Variants in TMEM132D observed in about 807,000 individuals in gnomAD.
TMEM132D encodes mature OL transmembrane protein.
A neutral mutation model predicts 62.3 loss-of-function variants in TMEM132D; 21 were observed. The observed-to-expected ratio is 0.34, with a 90% confidence interval of 0.24 to 0.49. TMEM132D has a LOEUF of 0.49. TMEM132D is among the 20% of genes least tolerant of loss of function. The probability of loss-of-function intolerance (pLI) is 0.99; values close to 1 mark genes in which losing one functional copy is unlikely to be tolerated. For synonymous variants in TMEM132D, 621 were observed against 575.6 expected, an observed-to-expected ratio of 1.08 and a Z score of -1.13; for missense variants, 1,346 against 1,402.8, an observed-to-expected ratio of 0.96 and a Z score of 0.65.
intron 4 of TMEM132D, among the ~76,000 whole-genome samples, chr12:129,261,462 C>T (rs565111146): frequency 1.4e-4 from 21 of 152,298 alleles, no homozygotes; most frequent in South Asian, 1.2e-3. Flanking sequence ...ATTTGCCCTC[C>T]GCCATGATTG....
chr12:129,611,593 A>C (rs951847979), intron 2 of TMEM132D, among the ~76,000 whole-genome samples: 4 of 152,176 alleles, frequency 2.6e-5, no homozygotes, highest in African/African-American at 9.7e-5. Context: ...GCTCTCCTCC[A>C]TCCAGTGACT....
At chr12:129,361,789 A>G (rs1039139816) in intron 3 of TMEM132D, among the ~76,000 whole-genome samples, 2 of 152,212 alleles carry the variant, frequency 1.3e-5, no homozygotes, top group Admixed American at 6.5e-5. Context: ...TCCCCACATA[A>G]AATGATTGAC....
intron 2 of TMEM132D, among the ~76,000 whole-genome samples, chr12:129,590,678 T>A (rs1201214467): frequency 6.6e-6 from 1 of 152,186 alleles, no homozygotes; most frequent in East Asian, 1.9e-4. Context: ...TGTTTTTCCT[T>A]AGGCTGTCGG....
intron 3 of TMEM132D, among the ~76,000 whole-genome samples, chr12:129,382,554 C>G (rs1870981041): frequency 6.6e-6 from 1 of 152,162 alleles, no homozygotes; most frequent in Non-Finnish European, 1.5e-5. Flanking sequence ...ATAACAGACA[C>G]CATACAGTCC....
chr12:129,349,096 T>C (rs1869784824), intron 3 of TMEM132D, among the ~76,000 whole-genome samples: 1 of 152,336 alleles, frequency 6.6e-6, no homozygotes, highest in South Asian at 2.1e-4. Context: ...AATGCCCCAC[T>C]CCCTGTTGGG....
chr12:129,210,013 GACAA>G (rs1404466920), intron 4 of TMEM132D: 1 of 198,414 alleles, frequency 5.0e-6, no homozygotes, highest in African/African-American at 2.3e-5. Context: ...ATCCTGATAA[GACAA>G]ACATTCTTCT....
At chr12:129,764,943 A>G (rs1283622283) in intron 1 of TMEM132D, among the ~76,000 whole-genome samples, 1 of 152,010 alleles carries the variant, frequency 6.6e-6, no homozygotes, top group Non-Finnish European at 1.5e-5. Flanking sequence ...CCTGTCTCAA[A>G]AAGAAAAAGA....
At chr12:129,443,806 T>G (rs1386993596) in intron 3 of TMEM132D, among the ~76,000 whole-genome samples, 2 of 152,204 alleles carry the variant, frequency 1.3e-5, no homozygotes, top group East Asian at 1.9e-4. Context: ...CCAGGCCTGA[T>G]CAATACACGT....
intron 1 of TMEM132D, among the ~76,000 whole-genome samples, chr12:129,734,013 C>T (rs1869338857): frequency 6.6e-6 from 1 of 152,174 alleles, no homozygotes; most frequent in South Asian, 2.1e-4. Context: ...CTGACTCCTT[C>T]GTTCCCACAG....
rs1239200875 is a variant in TMEM132D, at chr12:129,074,161, C to T, written c.3014G>A (p.Ser1005Asn). ...MDFEESKYLL[S>N]TNSQKSINGQ... ...ATTGATGCTTTTTTGGGAGTTTGTG[C>T]TGAGGAGATATTTACTTTCCTCGAA... Residue 1005 changes from serine to asparagine, a missense_variant, in exon 9 of 9, where the codon AGC becomes AAC. Coordinates refer to ENST00000422113, the MANE Select transcript of TMEM132D (RefSeq NM_133448.3). 6.2e-7 allele frequency: 1 copy of T among 1,613,942 alleles called. No homozygotes were observed. The highest frequency in any genetic ancestry group is 2.2e-5 in the East Asian group (1 of 44,890).
intron 5 of TMEM132D, among the ~76,000 whole-genome samples, chr12:129,150,568 AG>A (rs1418804873): frequency 6.6e-6 from 1 of 152,216 alleles, no homozygotes; most frequent in Non-Finnish European, 1.5e-5. Flanking sequence ...GAGGCTTAGC[AG>A]GGTGAAGGAA....
At chr12:129,152,422 G>A (rs1877101503) in intron 5 of TMEM132D, among the ~76,000 whole-genome samples, 1 of 152,184 alleles carries the variant, frequency 6.6e-6, no homozygotes, top group Non-Finnish European at 1.5e-5. Context: ...CAGCTGGCTT[G>A]TTATCTCACT....
intron 1 of TMEM132D, among the ~76,000 whole-genome samples, chr12:129,813,823 T>C (rs1312388343): frequency 1.3e-5 from 2 of 151,944 alleles, no homozygotes; most frequent in Admixed American, 1.3e-4. Context: ...AGGAAAGTTA[T>C]GGAAAATAAG....
chr12:129,744,628 G>A (rs754030428), intron 1 of TMEM132D, among the ~76,000 whole-genome samples: 6 of 152,222 alleles, frequency 3.9e-5, no homozygotes, highest in East Asian at 1.9e-4. Flanking sequence ...TTTAAGGAGC[G>A]CACTCTCAGG....
At chr12:129,897,734 A>G (rs1470758933) in intron 1 of TMEM132D, among the ~76,000 whole-genome samples, 4 of 152,134 alleles carry the variant, frequency 2.6e-5, no homozygotes, top group African/African-American at 9.7e-5. Context: ...TGAGAAAACT[A>G]AATAACATGA....
Position 129,861,144 on chromosome 12 carries a change from T to A in TMEM132D, c.79+42117A>T, listed in dbSNP as rs144209834. Among the ~76,000 whole-genome samples, 33 of 152,328 alleles carry A rather than the reference T, an allele frequency of 2.2e-4. No homozygotes were observed. In the East Asian group the frequency reaches 6.4e-3, roughly 29 times the overall value. On this transcript the variant is annotated intron_variant, in intron 1 of 8. Coordinates refer to ENST00000422113, the MANE Select transcript of TMEM132D (RefSeq NM_133448.3). ...TTTGAGAAATCTGTGACCATTCCAG[T>A]GGAATGAAATGAAAAATGCTCTGCC...
At chr12:129,116,333 G>A (rs981458069) in intron 5 of TMEM132D, among the ~76,000 whole-genome samples, 2 of 152,188 alleles carry the variant, frequency 1.3e-5, no homozygotes, top group African/African-American at 4.8e-5. Flanking sequence ...CAGCTGGCCA[G>A]TCCTAGTCAT....
intron 3 of TMEM132D, among the ~76,000 whole-genome samples, chr12:129,358,405 G>A (rs1870142439): frequency 6.6e-6 from 1 of 152,276 alleles, no homozygotes; most frequent in Non-Finnish European, 1.5e-5. Flanking sequence ...TGGCTCCTGG[G>A]CGCTGATTCT....
chr12:129,134,134 CTGTGTGTGTGTGTCTGTGTCTG>C (rs1876476333), intron 5 of TMEM132D, among the ~76,000 whole-genome samples: 3 of 76,866 alleles, frequency 3.9e-5, no homozygotes, highest in East Asian at 2.8e-4. Flanking sequence ...GTGTGTGTGT[CTGTGTGTGTGTGTCTGTGTCTG>C]TGTGTGTGTC....
Sources: gnomAD v4.1 joint callset for allele counts (sites outside exome capture counted in the v4.1 genomes callset) on GRCh38, gnomAD v4.1.1 for gene constraint, MANE v1.5 for transcripts, NCBI Gene and HGNC (gene_info 2026-07-23, HGNC 2026-07-21) for gene names.